The following CNBD1 variants were observed in gnomAD, a reference collection of about 807,000 sequenced individuals.
CNBD1 encodes cyclic nucleotide-binding domain-containing protein 1.
Under a neutral mutation model 54.4 loss-of-function variants are expected in CNBD1, and 71 were observed. The ratio of observed to expected loss-of-function variants is 1.30; its 90% CI spans 1.08 to 1.59. CNBD1 has a LOEUF of 1.59. CNBD1 is among the 40% of genes most tolerant of loss of function. The pLI is 0.00. For missense variants in CNBD1, 659 were observed against 518.0 expected (o/e 1.27, Z -2.64); for synonymous variants, 182 against 170.7 (o/e 1.07, Z -0.51).
rs376609164 is a variant in CNBD1, at chr8:87,194,295, CA to C, written c.432-11697del. Among the ~76,000 whole-genome samples the C allele has an allele frequency of 2.6e-3, 401 of 152,238 alleles. 3 individuals are homozygous for C. Among genetic ancestry groups the C allele is most frequent in the African/African-American group, 9.1e-3 (376 of 41,538 alleles). The stretch of plus-strand genomic sequence containing the variant: ...GTGCGATAAATTGACACTTGAAAAG[CA>C]GGTAGTTAAGGGGAACAATGTTTAA... On this transcript the variant is annotated intron_variant, in intron 4 of 10. Transcript: ENST00000518476.
At chr8:87,103,767 G>A (rs1811478191) in intron 4 of CNBD1, among the ~76,000 whole-genome samples, 1 of 152,184 alleles carries the variant, frequency 6.6e-6, no homozygotes, top group Non-Finnish European at 1.5e-5. Flanking sequence ...TGAGTTTTGG[G>A]TGGGGACACA....
At chr8:87,428,421 T>C (rs1273439583) in intron 2 of CNBD1, 3 of 315,400 alleles carry the variant, frequency 9.5e-6, no homozygotes, top group African/African-American at 2.2e-5. Context: ...TCAATTTAAT[T>C]ATTAGGGAAA....
At chr8:87,174,581 G>GC (rs796272547) in intron 4 of CNBD1, among the ~76,000 whole-genome samples, 8 of 152,262 alleles carry the variant, frequency 5.3e-5, no homozygotes, top group African/African-American at 1.9e-4. Flanking sequence ...GGTCCCTGGT[G>GC]CCTTTTTTAG....
chr8:87,425,711 G>A (rs1212825397), intron 2 of CNBD1, among the ~76,000 whole-genome samples: 21 of 151,984 alleles, frequency 1.4e-4, no homozygotes, highest in Non-Finnish European at 3.1e-4. Flanking sequence ...GAGAACCACT[G>A]CTCTCTTCAA....
intron 4 of CNBD1, among the ~76,000 whole-genome samples, chr8:87,040,024 A>G (rs1810030562): frequency 6.6e-6 from 1 of 152,186 alleles, no homozygotes; most frequent in Non-Finnish European, 1.5e-5. Flanking sequence ...TATCTCAAAC[A>G]CTGATCTTTG....
intron 4 of CNBD1, among the ~76,000 whole-genome samples, chr8:87,076,487 G>A (rs1030497191): frequency 6.6e-6 from 1 of 151,768 alleles, no homozygotes; most frequent in Non-Finnish European, 1.5e-5. Context: ...CTGTTGCCCA[G>A]GCTTGAGTGC....
At chr8:87,335,686 G>A (rs779406603) in intron 8 of CNBD1, among the ~76,000 whole-genome samples, 4 of 152,018 alleles carry the variant, frequency 2.6e-5, no homozygotes, top group African/African-American at 4.8e-5. Context: ...TTTTAATTGG[G>A]CCATTTAGCT....
intron 2 of CNBD1, among the ~76,000 whole-genome samples, chr8:87,396,055 G>A (rs574290240): frequency 1.1e-4 from 16 of 151,940 alleles, no homozygotes; most frequent in African/African-American, 2.9e-4. Context: ...ACTCAGGCTC[G>A]GGTATGTCTT....
In CNBD1 at chr8:87,373,793, A is replaced by T. The variant is rs551423987; in HGVS notation, c.1304-8827A>T. Among the ~76,000 whole-genome samples the T allele has an allele frequency of 7.3e-4, 111 of 151,940 alleles. 1 individual carries two copies. Among genetic ancestry groups the T allele is most frequent in the Non-Finnish European group, 9.4e-4 (64 of 67,826 alleles). ...AAGTGTATTTTTAGGATAAGTTTAT[A>T]TAAAATTTCAGGCCAAGTTTCTGTG... On this transcript the variant is annotated intron_variant, in intron 10 of 10. Coordinates refer to ENST00000518476, the MANE Select transcript of CNBD1 (RefSeq NM_173538.3).
chr8:86,866,502 A>G lies in CNBD1; in HGVS notation c.7A>G (p.Met3Val), dbSNP rs1244017383. The G allele has an allele frequency of 6.2e-7, 1 of 1,610,522 alleles. No homozygotes were observed. The highest frequency in any genetic ancestry group is 1.3e-5 in the African/African-American group (1 of 74,872). The change falls in exon 1 of 11, where the codon ATG becomes GTG. Residue 3 changes from methionine to valine, a missense_variant. Transcript: ENST00000518476. MPMSSLPAAILSH... is the reference protein window; with the variant it reads MPVSSLPAAILSH... Reference sequence around the variant, plus strand: ...CTGCCTTTGAGCCATCAAGATGCCGATGTCTTCTCTTCCAGCAGCTATTTT... The same window carrying G: ...CTGCCTTTGAGCCATCAAGATGCCGGTGTCTTCTCTTCCAGCAGCTATTTT...
intron 2 of CNBD1, among the ~76,000 whole-genome samples, chr8:87,410,796 T>A (rs1807728096): frequency 6.6e-6 from 1 of 152,170 alleles, no homozygotes; most frequent in African/African-American, 2.4e-5. Flanking sequence ...GTTGTCGTAT[T>A]TTGAGAAACT....
intron 2 of CNBD1, among the ~76,000 whole-genome samples, chr8:87,390,280 G>A (rs1360143560): frequency 6.6e-6 from 1 of 152,088 alleles, no homozygotes; most frequent in African/African-American, 2.4e-5. Context: ...CTTCTGCACA[G>A]CAAAAGAAAC....
intron 4 of CNBD1, among the ~76,000 whole-genome samples, chr8:87,106,676 C>A (rs1009911548): frequency 6.6e-6 from 1 of 152,128 alleles, no homozygotes. Flanking sequence ...TATCTTTGAG[C>A]TTCCATGATA....
intron 8 of CNBD1, among the ~76,000 whole-genome samples, chr8:87,350,836 A>G (rs1189089370): frequency 1.3e-5 from 2 of 152,132 alleles, no homozygotes; most frequent in African/African-American, 4.8e-5. Flanking sequence ...AAGTATTTAA[A>G]TCATGATGAT....
At chr8:87,313,227 G>T (rs892860853) in intron 8 of CNBD1, among the ~76,000 whole-genome samples, 1 of 151,998 alleles carries the variant, frequency 6.6e-6, no homozygotes, top group African/African-American at 2.4e-5. Context: ...ATTTGTGTTT[G>T]TTGGACAAAC....
intron 9 of CNBD1, among the ~76,000 whole-genome samples, chr8:87,353,104 C>A (rs1032518723): frequency 6.6e-6 from 1 of 152,122 alleles, no homozygotes; most frequent in African/African-American, 2.4e-5. Flanking sequence ...CTTATTTGAA[C>A]CAAAATTATA....
chr8:87,293,744 T>G (rs922688747), intron 8 of CNBD1, among the ~76,000 whole-genome samples: 1 of 152,198 alleles, frequency 6.6e-6, no homozygotes, highest in African/African-American at 2.4e-5. Context: ...ATATATTATC[T>G]AACATAATAA....
At chr8:87,165,967 G>A (rs960662339) in intron 4 of CNBD1, among the ~76,000 whole-genome samples, 2 of 151,802 alleles carry the variant, frequency 1.3e-5, no homozygotes, top group Non-Finnish European at 2.9e-5. Context: ...GCAAAATACA[G>A]TTTCTAGGCA....
chr8:87,244,337 A>C (rs950867436), intron 6 of CNBD1, among the ~76,000 whole-genome samples: 4 of 152,240 alleles, frequency 2.6e-5, no homozygotes, highest in South Asian at 2.1e-4. Flanking sequence ...ATAGAATAGG[A>C]GGCAGGTTGG....
Sources: allele counts gnomAD v4.1 joint callset (sites outside exome capture counted in the v4.1 genomes callset), GRCh38; gene constraint gnomAD v4.1.1; transcripts MANE v1.5; gene names NCBI Gene and HGNC (gene_info 2026-07-23, HGNC 2026-07-21).